PPFIBP2: variants seen among roughly 807,000 people sequenced by gnomAD.
PPFIBP2 encodes the protein liprin-beta-2.
In PPFIBP2, 118 loss-of-function variants were observed where a neutral mutation model predicts 118.3. The ratio of observed to expected loss-of-function variants is 1.00; its 90% CI spans 0.86 to 1.16. The LOEUF (loss-of-function observed/expected upper bound fraction) is 1.16, where lower values mean the gene tolerates loss of function less well. Among genes scored for constraint, PPFIBP2 ranks in the 50% most tolerant of loss-of-function variants. The pLI is 0.00. For synonymous variants in PPFIBP2, 414 were observed against 397.4 expected, an observed-to-expected ratio of 1.04 and a Z score of -0.50; for missense variants, 1,195 against 1,073.1, an observed-to-expected ratio of 1.11 and a Z score of -1.59.
chr11:7,602,087 C>CAAAAAAAAAAAAAACAA (rs1846721812), intron 5 of PPFIBP2, among the ~76,000 whole-genome samples: 1 of 56,186 alleles, frequency 1.8e-5, no homozygotes, highest in East Asian at 4.3e-4. Flanking sequence ...GAATGAAACT[C>CAAAAAAAAAAAAAACAA]AAAAAAAAAA....
chr11:7,639,232 G>A (rs769661384), intron 14 of PPFIBP2, among the ~76,000 whole-genome samples: 1 of 152,230 alleles, frequency 6.6e-6, no homozygotes, highest in Non-Finnish European at 1.5e-5. Flanking sequence ...CTCACCACAG[G>A]AAAGCAAATC....
chr11:7,649,589 G>T lies in PPFIBP2; in HGVS notation c.2056G>T (p.Ala686Ser), dbSNP rs1590809205. 1 of 1,614,082 alleles carries T rather than the reference G, an allele frequency of 6.2e-7. No individual in the cohort carries two copies. The highest frequency in any genetic ancestry group is 1.1e-5 in the South Asian group (1 of 91,084). The change falls in exon 21 of 24, where the codon GCC becomes TCC. Residue 686 changes from alanine to serine, a missense_variant. Physicochemically the swap from Ala to Ser is moderately conservative, Grantham distance 99 (BLOSUM62 1). Coordinates refer to ENST00000299492, the MANE Select transcript of PPFIBP2 (RefSeq NM_003621.5). ...ACTACATCATCTCAGCATCAAATGT[G>T]CCATTCACGTGCTGCATGTCAACAA... ...SQLHHLSIKCAIHVLHVNKFN... is the reference protein window; with the variant it reads ...SQLHHLSIKCSIHVLHVNKFN...
intron 3 of PPFIBP2, among the ~76,000 whole-genome samples, chr11:7,591,243 G>A (rs889069324): frequency 1.3e-5 from 2 of 151,964 alleles, no homozygotes; most frequent in Non-Finnish European, 2.9e-5. Context: ...GGAGTCTCTG[G>A]AAGAAGTCTT....
intron 6 of PPFIBP2, among the ~76,000 whole-genome samples, chr11:7,618,067 C>T (rs561964790): frequency 2.0e-5 from 3 of 152,182 alleles, no homozygotes; most frequent in Admixed American, 6.5e-5. Flanking sequence ...ATGAGTACTA[C>T]AGAGGATACC....
intron 2 of PPFIBP2, among the ~76,000 whole-genome samples, chr11:7,558,253 G>T (rs758885784): frequency 3.3e-5 from 5 of 152,232 alleles, no homozygotes; most frequent in Non-Finnish European, 7.3e-5. Context: ...AGGTGGAAGA[G>T]ATATGAGGAA....
At chr11:7,619,591 A>T (rs1223235340) in intron 6 of PPFIBP2, among the ~76,000 whole-genome samples, 1 of 152,232 alleles carries the variant, frequency 6.6e-6, no homozygotes, top group African/African-American at 2.4e-5. Flanking sequence ...AGGAGCAACC[A>T]ATGAATTGAC....
At chr11:7,661,189 G>T (rs1163548186), downstream of PPFIBP2, among the ~76,000 whole-genome samples, 2 of 149,668 alleles carry the variant, frequency 1.3e-5, no homozygotes, top group Admixed American at 6.7e-5. Flanking sequence ...CCTTCTGCTA[G>T]CTTTTGAATA....
chr11:7,551,123 T>C (rs998766895), intron 2 of PPFIBP2, among the ~76,000 whole-genome samples: 2 of 152,198 alleles, frequency 1.3e-5, no homozygotes. Context: ...GGTTAGGGTC[T>C]CTGATGCCTT....
intron 2 of PPFIBP2, among the ~76,000 whole-genome samples, chr11:7,554,038 G>C (rs940873444): frequency 1.3e-5 from 2 of 151,430 alleles, no homozygotes; most frequent in African/African-American, 4.9e-5. Flanking sequence ...TTGAAAACTG[G>C]CACCACACCA....
chr11:7,604,478 A>C (rs1410671525), intron 5 of PPFIBP2, among the ~76,000 whole-genome samples: 26 of 129,776 alleles, frequency 2.0e-4, no homozygotes, highest in South Asian at 4.5e-4. Flanking sequence ...ACGCACACAC[A>C]CCCCCCCATA....
At chr11:7,612,429 AAGTC>A (rs1442462657) in intron 6 of PPFIBP2, among the ~76,000 whole-genome samples, 3 of 152,170 alleles carry the variant, frequency 2.0e-5, no homozygotes, top group Non-Finnish European at 4.4e-5. Context: ...GCGAATATGA[AAGTC>A]AGCCCGTGTG....
At chr11:7,619,123 C>G (rs1849041321) in intron 6 of PPFIBP2, among the ~76,000 whole-genome samples, 1 of 152,156 alleles carries the variant, frequency 6.6e-6, no homozygotes, top group Admixed American at 6.5e-5. Context: ...GCAGGATAAT[C>G]AGAGGTTAGC....
At position 7,649,597 on chromosome 11, in the gene PPFIBP2, C is replaced by T. The variant is rs746850351; in HGVS notation, c.2064C>T (p.His688=). 118 of 1,614,102 alleles carry T rather than the reference C, an allele frequency of 7.3e-5. No individual in the cohort carries two copies. Among genetic ancestry groups the T allele is most frequent in the African/African-American group, 9.3e-5 (7 of 74,932 alleles). The change falls in exon 21 of 24, where the codon CAC becomes CAT. Residue 688 remains histidine (H), a synonymous_variant. Coordinates refer to ENST00000299492, the MANE Select transcript of PPFIBP2 (RefSeq NM_003621.5). ...LHHLSIKCAI[H]VLHVNKFNPH... The stretch of plus-strand genomic sequence containing the variant: ...ATCTCAGCATCAAATGTGCCATTCA[C>T]GTGCTGCATGTCAACAAGTTCAACC...
At chr11:7,610,558 T>C in intron 6 of PPFIBP2, 136 bp downstream of exon 6, 1 of 1,215,828 alleles carries the variant, frequency 8.2e-7, no homozygotes, top group Non-Finnish European at 1.1e-6. Flanking sequence ...TGCAGTGATC[T>C]GTTAATACCA....
chr11:7,553,792 G>C (rs1853268576), intron 2 of PPFIBP2, among the ~76,000 whole-genome samples: 1 of 152,162 alleles, frequency 6.6e-6, no homozygotes, highest in African/African-American at 2.4e-5. Flanking sequence ...CAAGATCATA[G>C]TGCTGAGATT....
chr11:7,628,201 T>G (rs1229531971), intron 8 of PPFIBP2, 84 bp from the exon 9 acceptor site: 6 of 1,177,100 alleles, frequency 5.1e-6, no homozygotes, highest in South Asian at 1.4e-5. Flanking sequence ...CAAGTCTTCA[T>G]TTGAACTTGG....
intron 3 of PPFIBP2, among the ~76,000 whole-genome samples, chr11:7,577,997 G>A (rs1856702584): frequency 6.6e-6 from 1 of 152,200 alleles, no homozygotes; most frequent in Non-Finnish European, 1.5e-5. Context: ...GGAAGCTGCT[G>A]CCTTTTTAAA....
chr11:7,527,038 G>C (rs1850291089), intron 1 of PPFIBP2, among the ~76,000 whole-genome samples: 1 of 151,148 alleles, frequency 6.6e-6, no homozygotes, highest in Admixed American at 6.6e-5. Flanking sequence ...GGGCATAGCA[G>C]GTATAGAAGG....
intron 3 of PPFIBP2, among the ~76,000 whole-genome samples, chr11:7,585,950 C>T (rs1174515820): frequency 1.3e-5 from 2 of 152,116 alleles, no homozygotes; most frequent in African/African-American, 4.8e-5. Context: ...GTATGTAGCA[C>T]ATAATACTTA....
Sources: gnomAD v4.1 joint callset for allele counts (sites outside exome capture counted in the v4.1 genomes callset) on GRCh38, gnomAD v4.1.1 for gene constraint, MANE v1.5 for transcripts, NCBI Gene and HGNC (gene_info 2026-07-23, HGNC 2026-07-21) for gene names.